PDE10A: variants seen among roughly 807,000 people sequenced by gnomAD.
PDE10A encodes phosphodiesterase 10A.
A neutral mutation model predicts 97.7 loss-of-function variants in PDE10A; 39 were observed. That is an observed-to-expected ratio of 0.40 (90% CI 0.31 to 0.52). The LOEUF (loss-of-function observed/expected upper bound fraction) is 0.52. Ranked by LOEUF, PDE10A falls within the 20% of genes least tolerant of loss-of-function variation. The probability of loss-of-function intolerance (pLI) is 0.56; values close to 1 mark genes in which losing one functional copy is unlikely to be tolerated. For synonymous variants in PDE10A, 371 were observed against 376.8 expected (o/e 0.98, Z 0.18); for missense variants, 731 against 1,047.8 (o/e 0.70, Z 4.17).
chr6:165,933,552 AT>A (rs1235781393), intron 1 of PDE10A, among the ~76,000 whole-genome samples: 1 of 152,192 alleles, frequency 6.6e-6, no homozygotes, highest in Non-Finnish European at 1.5e-5. Context: ...TTTTACATAA[AT>A]TTATACAAAT....
chr6:165,369,407 A>T (rs1020146867), intron 18 of PDE10A, among the ~76,000 whole-genome samples: 2 of 151,848 alleles, frequency 1.3e-5, no homozygotes, highest in African/African-American at 4.8e-5. Context: ...GCTGAAAACC[A>T]AGGCTCAAGA....
At chr6:165,428,851 A>C in intron 9 of PDE10A, 142 bp from the exon 10 acceptor site, 2 of 413,140 alleles carry the variant, frequency 4.8e-6, no homozygotes, top group East Asian at 4.2e-5. Flanking sequence ...TGCTTTGGCA[A>C]AAAAAAAAAT....
chr6:165,788,146 T>A (rs780426071), intron 1 of PDE10A, among the ~76,000 whole-genome samples: 1 of 152,148 alleles, frequency 6.6e-6, no homozygotes, highest in Non-Finnish European at 1.5e-5. Context: ...ACATGCAACA[T>A]GTATAGCATA....
Position 165,437,120 on chromosome 6 carries a change from A to C in PDE10A, c.1195-1743T>G, listed in dbSNP as rs564050070. ...AAGAAGAACATGTCATAATAAAAACAGAAGGTGAACTCTGGAGCAAGCTTC... is the reference window on the plus strand; with the variant it reads ...AAGAAGAACATGTCATAATAAAAACCGAAGGTGAACTCTGGAGCAAGCTTC... On this transcript the variant is annotated intron_variant, in intron 5 of 21. Coordinates refer to ENST00000539869, the MANE Select transcript of PDE10A (RefSeq NM_001385079.1). Among the ~76,000 whole-genome samples, 77 of 152,330 alleles carry C rather than the reference A, an allele frequency of 5.1e-4. 1 individual carries two copies. The highest frequency in any genetic ancestry group is 1.8e-3 in the African/African-American group (75 of 41,584).
chr6:165,950,457 C>T (rs1035107726), intron 1 of PDE10A, among the ~76,000 whole-genome samples: 3 of 152,188 alleles, frequency 2.0e-5, no homozygotes, highest in African/African-American at 4.8e-5. Context: ...CCTGGAACCC[C>T]GTGTAGGGTG....
At chr6:165,703,471 C>T (rs1791630706) in intron 1 of PDE10A, among the ~76,000 whole-genome samples, 1 of 152,226 alleles carries the variant, frequency 6.6e-6, no homozygotes, top group Non-Finnish European at 1.5e-5. Context: ...TGCTAATGTA[C>T]TTTCCTCCTT....
intron 1 of PDE10A, among the ~76,000 whole-genome samples, chr6:165,847,245 C>A (rs1403741826): frequency 6.6e-6 from 1 of 152,244 alleles, no homozygotes; most frequent in East Asian, 1.9e-4. Flanking sequence ...GCAGGGGTAC[C>A]GGGAGCTTGG....
At chr6:165,706,611 T>C (rs554652411) in intron 1 of PDE10A, among the ~76,000 whole-genome samples, 7 of 152,360 alleles carry the variant, frequency 4.6e-5, no homozygotes, top group African/African-American at 1.7e-4. Context: ...TCAATAAATC[T>C]TCACAGTCTG....
chr6:165,448,287 C>T (rs1482943856), intron 5 of PDE10A, among the ~76,000 whole-genome samples: 1 of 152,150 alleles, frequency 6.6e-6, no homozygotes, highest in Non-Finnish European at 1.5e-5. Context: ...AAATCAAATG[C>T]CAGTAATTGA....
At chr6:165,765,425 G>C (rs1777810974) in intron 1 of PDE10A, among the ~76,000 whole-genome samples, 1 of 152,258 alleles carries the variant, frequency 6.6e-6, no homozygotes, top group African/African-American at 2.4e-5. Flanking sequence ...CCCGAGACCT[G>C]CCCCGCGGGA....
At chr6:165,608,075 T>G (rs182239021) in intron 1 of PDE10A, among the ~76,000 whole-genome samples, 1 of 136,430 alleles carries the variant, frequency 7.3e-6, no homozygotes, top group Non-Finnish European at 1.5e-5. Context: ...TATATATATG[T>G]ATATATGTAT....
At chr6:165,907,544 G>A (rs1782327958) in intron 1 of PDE10A, among the ~76,000 whole-genome samples, 3 of 152,248 alleles carry the variant, frequency 2.0e-5, no homozygotes, top group Admixed American at 6.5e-5. Flanking sequence ...AGAGTCACTG[G>A]CCGCCCTGAA....
At chr6:165,669,056 G>T (rs1055214440) in intron 1 of PDE10A, among the ~76,000 whole-genome samples, 13 of 152,212 alleles carry the variant, frequency 8.5e-5, no homozygotes, top group African/African-American at 3.1e-4. Context: ...CGTCTAGACT[G>T]AGTCAGGCCT....
At chr6:165,925,380 C>T (rs1327980521) in intron 1 of PDE10A, among the ~76,000 whole-genome samples, 1 of 152,186 alleles carries the variant, frequency 6.6e-6, no homozygotes, top group Non-Finnish European at 1.5e-5. Context: ...AGTAATTCCA[C>T]CCCTGAACAG....
chr6:165,625,069 C>T lies in PDE10A; in HGVS notation c.865+36878G>A, dbSNP rs193011631. Among the ~76,000 whole-genome samples, 358 of 152,246 alleles carry T rather than the reference C, an allele frequency of 2.4e-3. 2 individuals are homozygous for T. Among genetic ancestry groups the T allele is most frequent in the African/African-American group, 8.2e-3 (341 of 41,516 alleles). On this transcript the variant is annotated intron_variant, in intron 1 of 21. Transcript: ENST00000539869. Reference sequence around the variant, plus strand: ...TGCATGGAGAACAATGCACTTGACCCAGTGAGAGAGAGAGTGCTGGAGAGA... The same window carrying T: ...TGCATGGAGAACAATGCACTTGACCTAGTGAGAGAGAGAGTGCTGGAGAGA...
intron 1 of PDE10A, among the ~76,000 whole-genome samples, chr6:165,945,553 T>C (rs1322504970): frequency 6.6e-6 from 1 of 152,170 alleles, no homozygotes; most frequent in Non-Finnish European, 1.5e-5. Flanking sequence ...GTAGCCTTCA[T>C]GAATGGGATT....
At chr6:165,842,535 C>G (rs781404087) in intron 1 of PDE10A, among the ~76,000 whole-genome samples, 2 of 152,178 alleles carry the variant, frequency 1.3e-5, no homozygotes, top group African/African-American at 2.4e-5. Context: ...TAACAGAGAG[C>G]GAATGCAAGC....
rs1027589280 is a variant in PDE10A, at chr6:165,394,402, C to A, written c.2303+779G>T. Among the ~76,000 whole-genome samples, 2 of 152,026 alleles carry A rather than the reference C, an allele frequency of 1.3e-5. 1 individual carries two copies. Among genetic ancestry groups the A allele is most frequent in the Non-Finnish European group, 2.9e-5 (2 of 68,006 alleles). ...TCCCTGCAAAGGACATGAACTCATC[C>A]TTTTTTATGGCTGCATAGTATTCCA... On this transcript the variant is annotated intron_variant, in intron 15 of 21. Coordinates refer to ENST00000539869, the MANE Select transcript of PDE10A (RefSeq NM_001385079.1).
At chr6:165,937,276 T>C (rs568112899) in intron 1 of PDE10A, among the ~76,000 whole-genome samples, 1 of 152,276 alleles carries the variant, frequency 6.6e-6, no homozygotes, top group South Asian at 2.1e-4. Flanking sequence ...AATAAGACTT[T>C]TGTTTACTTT....
Sources: allele counts gnomAD v4.1 joint callset (sites outside exome capture counted in the v4.1 genomes callset), GRCh38; gene constraint gnomAD v4.1.1; transcripts MANE v1.5; gene names NCBI Gene and HGNC (gene_info 2026-07-23, HGNC 2026-07-21).